SDC2: variants seen among roughly 807,000 people sequenced by gnomAD.
SDC2 encodes syndecan 2.
SDC2 carries 13 observed loss-of-function variants against 22.2 expected under a neutral mutation model. That is an observed-to-expected ratio of 0.59 (90% confidence interval 0.38 to 0.93). SDC2 has a LOEUF of 0.93. Ranked by LOEUF, SDC2 falls within the 40% of genes least tolerant of loss-of-function variation. The pLI is 0.00. For synonymous variants in SDC2, 94 were observed against 92.8 expected (o/e 1.01, Z -0.07); for missense variants, 235 against 246.8 (o/e 0.95, Z 0.32).
intron 1 of SDC2, among the ~76,000 whole-genome samples, chr8:96,557,710 G>T (rs1049089945): frequency 6.6e-6 from 1 of 151,994 alleles, no homozygotes; most frequent in Non-Finnish European, 1.5e-5. Context: ...CACCAGCATG[G>T]CACATGTATA....
intron 1 of SDC2, among the ~76,000 whole-genome samples, chr8:96,592,214 C>T (rs1814792501): frequency 6.6e-6 from 1 of 152,174 alleles, no homozygotes; most frequent in Non-Finnish European, 1.5e-5. Flanking sequence ...AATGTGGGCT[C>T]AGGTTTAAAG....
At chr8:96,583,137 A>G (rs1259946359) in intron 1 of SDC2, among the ~76,000 whole-genome samples, 1 of 147,664 alleles carries the variant, frequency 6.8e-6, no homozygotes, top group Non-Finnish European at 1.5e-5. Flanking sequence ...TCTTTTGTAG[A>G]GATGAGATCT....
chr8:96,517,148 G>A (rs1002547516), intron 1 of SDC2, among the ~76,000 whole-genome samples: 1 of 152,182 alleles, frequency 6.6e-6, no homozygotes, highest in African/African-American at 2.4e-5. Context: ...TGGGTATGAA[G>A]TGGTATCTTA....
chr8:96,497,854 C>T (rs112648090), intron 1 of SDC2, among the ~76,000 whole-genome samples: 64 of 152,288 alleles, frequency 4.2e-4, no homozygotes, highest in African/African-American at 1.5e-3. Context: ...TCTTCCATTG[C>T]CAAAAATCAA....
chr8:96,500,552 C>T (rs1187978286), intron 1 of SDC2, among the ~76,000 whole-genome samples: 2 of 150,074 alleles, frequency 1.3e-5, no homozygotes, highest in Non-Finnish European at 2.9e-5. Flanking sequence ...ATCCCAGCTA[C>T]TTGGGAGGCT....
intron 1 of SDC2, among the ~76,000 whole-genome samples, chr8:96,550,878 G>A (rs1814015338): frequency 6.6e-6 from 1 of 152,168 alleles, no homozygotes; most frequent in Non-Finnish European, 1.5e-5. Flanking sequence ...AGTGCTTCCT[G>A]CTGATGGGTG....
chr8:96,536,408 C>A (rs1480297810), intron 1 of SDC2, among the ~76,000 whole-genome samples: 1 of 152,108 alleles, frequency 6.6e-6, no homozygotes, highest in South Asian at 2.1e-4. Flanking sequence ...GTAGCCTCAA[C>A]CTCTATGGCC....
At chr8:96,593,016 A>G (rs1379115302) in intron 1 of SDC2, among the ~76,000 whole-genome samples, 1 of 152,234 alleles carries the variant, frequency 6.6e-6, no homozygotes, top group African/African-American at 2.4e-5. Flanking sequence ...AAGCACTGGT[A>G]GGATTTGATG....
intron 1 of SDC2, among the ~76,000 whole-genome samples, chr8:96,551,213 G>T (rs1189958464): frequency 2.0e-5 from 3 of 152,168 alleles, no homozygotes; most frequent in Non-Finnish European, 2.9e-5. Flanking sequence ...CTTGCTGTGG[G>T]TTGCATCACA....
intron 1 of SDC2, among the ~76,000 whole-genome samples, chr8:96,554,554 C>T (rs1326339244): frequency 6.6e-6 from 1 of 152,094 alleles, no homozygotes; most frequent in Non-Finnish European, 1.5e-5. Context: ...ATCAATTTCA[C>T]ATACTTTTAT....
intron 1 of SDC2, among the ~76,000 whole-genome samples, chr8:96,505,707 T>C (rs1216317752): frequency 6.6e-6 from 1 of 152,234 alleles, no homozygotes; most frequent in East Asian, 1.9e-4. Context: ...AATGGTGTTT[T>C]GATTTGATTA....
chr8:96,538,987 T>C (rs1382942015), intron 1 of SDC2, among the ~76,000 whole-genome samples: 1 of 152,268 alleles, frequency 6.6e-6, no homozygotes, highest in African/African-American at 2.4e-5. Flanking sequence ...GTTAGATTCA[T>C]GACTGAATAT....
intron 1 of SDC2, among the ~76,000 whole-genome samples, chr8:96,528,455 T>A (rs1436528020): frequency 6.6e-6 from 1 of 152,148 alleles, no homozygotes; most frequent in Non-Finnish European, 1.5e-5. Flanking sequence ...AAAATGCAAA[T>A]ACTCAGTGCT....
intron 1 of SDC2, among the ~76,000 whole-genome samples, chr8:96,568,521 A>G (rs1250385174): frequency 6.6e-6 from 1 of 152,240 alleles, no homozygotes; most frequent in Non-Finnish European, 1.5e-5. Context: ...AAGAGGTCCA[A>G]AAACTTGCCT....
At chr8:96,602,639 CA>C in intron 3 of SDC2, 111 bp downstream of exon 3, 1 of 1,195,742 alleles carries the variant, frequency 8.4e-7, no homozygotes, top group Non-Finnish European at 1.2e-6. Context: ...TGGAGCTACC[CA>C]TCATGAACTA....
chr8:96,532,330 C>T (rs1368399237), intron 1 of SDC2, among the ~76,000 whole-genome samples: 19 of 150,532 alleles, frequency 1.3e-4, no homozygotes, highest in Admixed American at 5.3e-4. Context: ...TAAAAATAGT[C>T]GCTGCCTAAC....
At chr8:96,599,059 AGCCT>A (rs1488123789) in intron 2 of SDC2, among the ~76,000 whole-genome samples, 1 of 149,264 alleles carries the variant, frequency 6.7e-6, no homozygotes, top group Non-Finnish European at 1.5e-5. Context: ...CTCCTGCTTG[AGCCT>A]CCCAAGTAGC....
At position 96,611,610 on chromosome 8, in the gene SDC2, A is replaced by G. The variant is rs569223385; in HGVS notation, c.*2062A>G. The G allele has an allele frequency of 6.5e-6, 1 of 152,758 alleles. No individual in the cohort carries two copies. Among genetic ancestry groups the G allele is most frequent in the South Asian group, 2.1e-4 (1 of 4,826 alleles). The allele number at this position is 152,758 out of a possible 1,614,324, so 9.5% of individuals were successfully genotyped here. The stretch of plus-strand genomic sequence containing the variant: ...AATTACAGAGGGTAGGAATGGGTAT[A>G]CCTCTAACTGTGCAAAGCAGAGTGA... On this transcript the variant is annotated 3_prime_UTR_variant, in exon 5 of 5. Transcript: ENST00000302190.
chr8:96,574,175 C>T (rs967593782), intron 1 of SDC2, among the ~76,000 whole-genome samples: 1 of 151,946 alleles, frequency 6.6e-6, no homozygotes, highest in Admixed American at 6.6e-5. Context: ...CAGTAGCCAG[C>T]ATCTTTAGCC....
Sources: allele counts gnomAD v4.1 joint callset (sites outside exome capture counted in the v4.1 genomes callset), GRCh38; gene constraint gnomAD v4.1.1; transcripts MANE v1.5; gene names NCBI Gene and HGNC (gene_info 2026-07-23, HGNC 2026-07-21).